CNTN5: variants seen among roughly 807,000 people sequenced by gnomAD.
The protein encoded by CNTN5 is contactin-5.
A neutral mutation model predicts 129.1 loss-of-function variants in CNTN5; 77 were observed. The observed-to-expected ratio is 0.60, with a 90% CI of 0.50 to 0.72. The LOEUF is 0.72. Ranked by LOEUF, CNTN5 falls within the 30% of genes least tolerant of loss-of-function variation. The probability of loss-of-function intolerance (pLI) is 0.00; values close to 1 mark genes in which losing one functional copy is unlikely to be tolerated. For synonymous variants in CNTN5, 509 were observed against 465.6 expected, an observed-to-expected ratio of 1.09 and a Z score of -1.20; for missense variants, 1,478 against 1,328.8, an observed-to-expected ratio of 1.11 and a Z score of -1.75.
chr11:100,337,079 T>C lies in CNTN5; in HGVS notation c.2731-3384T>C, dbSNP rs1952053251. 50 of 1,309,516 alleles carry C rather than the reference T, an allele frequency of 3.8e-5. No individual in the cohort carries two copies. The South Asian group carries it at 5.2e-4, about 14-fold the overall frequency. 81.1% of individuals were successfully genotyped at this position (1,309,516 alleles called of 1,614,324 possible). On this transcript the variant is annotated intron_variant, in intron 21 of 24. Coordinates refer to ENST00000524871, the MANE Select transcript of CNTN5 (RefSeq NM_014361.4). The stretch of plus-strand genomic sequence containing the variant: ...AATGCTGAGATTTCACAAATCACTC[T>C]TGTAGGGATCATCAGACATGCAGAG...
At chr11:99,548,077 T>G (rs775488192) in intron 2 of CNTN5, among the ~76,000 whole-genome samples, 7 of 152,202 alleles carry the variant, frequency 4.6e-5, no homozygotes, top group Non-Finnish European at 1.0e-4. Flanking sequence ...CTATTGTTAT[T>G]TTTCCCTTTA....
intron 13 of CNTN5, among the ~76,000 whole-genome samples, chr11:100,156,471 G>C (rs1235992862): frequency 1.3e-5 from 2 of 151,890 alleles, no homozygotes; most frequent in Non-Finnish European, 2.9e-5. Flanking sequence ...ATCTTTTTTT[G>C]TTGTGCCTCT....
intron 17 of CNTN5, among the ~76,000 whole-genome samples, chr11:100,260,766 C>T (rs1950178884): frequency 6.6e-6 from 1 of 152,162 alleles, no homozygotes. Flanking sequence ...TAAAAACTCT[C>T]AATGAAATAG....
At chr11:99,978,681 T>A (rs761115617) in intron 8 of CNTN5, among the ~76,000 whole-genome samples, 1 of 152,166 alleles carries the variant, frequency 6.6e-6, no homozygotes, top group Non-Finnish European at 1.5e-5. Context: ...GCAAGCTATA[T>A]CATCTAGGTT....
At chr11:99,556,379 A>C in intron 3 of CNTN5, 110 bp downstream of exon 3, 1 of 645,152 alleles carries the variant, frequency 1.6e-6, no homozygotes, top group Non-Finnish European at 2.6e-6. Context: ...AATTTATATC[A>C]GTATTTATAC....
At chr11:99,589,258 G>T (rs2135660782) in intron 3 of CNTN5, among the ~76,000 whole-genome samples, 1 of 152,314 alleles carries the variant, frequency 6.6e-6, no homozygotes, top group African/African-American at 2.4e-5. Flanking sequence ...ATGTAGTCAT[G>T]ATTTTACAAT....
chr11:99,964,887 G>A (rs1288728888), intron 8 of CNTN5, among the ~76,000 whole-genome samples: 1 of 152,080 alleles, frequency 6.6e-6, no homozygotes, highest in African/African-American at 2.4e-5. Context: ...GTTTAGTCTT[G>A]GGAGGGTGTA....
At chr11:99,934,060 T>A (rs1385934756) in intron 7 of CNTN5, among the ~76,000 whole-genome samples, 1 of 152,224 alleles carries the variant, frequency 6.6e-6, no homozygotes, top group African/African-American at 2.4e-5. Context: ...ATACATAATT[T>A]TGATGATAGT....
intron 13 of CNTN5, among the ~76,000 whole-genome samples, chr11:100,185,106 T>G: frequency 6.6e-6 from 1 of 152,096 alleles, no homozygotes; most frequent in East Asian, 1.9e-4. Context: ...AGACTGTGAG[T>G]CAATTAAACC....
In CNTN5 at chr11:100,345,101, T is replaced by A. The variant is rs546459853; in HGVS notation, c.3030+3896T>A. ...CTGTCTTAGTCCTTTTGCGCTGTTA[T>A]AACAGATATCTGGGACTGGGTTATT... On this transcript the variant is annotated intron_variant, in intron 23 of 24. Transcript: ENST00000524871. Among the ~76,000 whole-genome samples, 4 of 152,276 alleles carry A rather than the reference T, an allele frequency of 2.6e-5. No individual in the cohort carries two copies. In the South Asian group the frequency reaches 8.3e-4, roughly 32 times the overall value.
intron 2 of CNTN5, among the ~76,000 whole-genome samples, chr11:99,352,244 C>A (rs151094951): frequency 1.0e-4 from 15 of 147,148 alleles, no homozygotes; most frequent in Middle Eastern, 3.7e-3. Flanking sequence ...AGTGACCTCA[C>A]AGCATTAAAA....
chr11:100,100,678 TAAAAAG>T (rs1201483791), intron 13 of CNTN5, among the ~76,000 whole-genome samples: 1 of 152,074 alleles, frequency 6.6e-6, no homozygotes, highest in Non-Finnish European at 1.5e-5. Flanking sequence ...GAAAATGTTA[TAAAAAG>T]AAAAAGTATT....
chr11:100,349,767 TTGAC>T (rs1198329923), intron 23 of CNTN5, among the ~76,000 whole-genome samples: 2 of 151,858 alleles, frequency 1.3e-5, no homozygotes, highest in African/African-American at 2.4e-5. Flanking sequence ...CTGCCACTAC[TTGAC>T]TATTATACCA....
At chr11:99,744,207 G>T (rs1405461088) in intron 3 of CNTN5, among the ~76,000 whole-genome samples, 2 of 151,976 alleles carry the variant, frequency 1.3e-5, no homozygotes, top group Non-Finnish European at 2.9e-5. Flanking sequence ...CCAATTTTCA[G>T]TTCTATTGCA....
intron 13 of CNTN5, among the ~76,000 whole-genome samples, chr11:100,100,673 T>C (rs1945189005): frequency 6.6e-6 from 1 of 151,982 alleles, no homozygotes; most frequent in African/African-American, 2.4e-5. Context: ...CAGAGGAAAA[T>C]GTTATAAAAA....
At chr11:99,265,792 A>G (rs755427824) in intron 1 of CNTN5, among the ~76,000 whole-genome samples, 1 of 152,016 alleles carries the variant, frequency 6.6e-6, no homozygotes, top group Non-Finnish European at 1.5e-5. Context: ...TTTACTATTT[A>G]TTGAATGAAA....
chr11:100,048,255 T>C (rs1942789701), intron 9 of CNTN5, among the ~76,000 whole-genome samples: 2 of 152,086 alleles, frequency 1.3e-5, no homozygotes, highest in South Asian at 2.1e-4. Flanking sequence ...CTTACATCAG[T>C]GGCCCCCAAT....
chr11:100,079,660 TC>T (rs1284881450), intron 13 of CNTN5, among the ~76,000 whole-genome samples: 1 of 152,144 alleles, frequency 6.6e-6, no homozygotes, highest in Non-Finnish European at 1.5e-5. Flanking sequence ...TCACTGTTTT[TC>T]TTTAAGGGCT....
chr11:99,048,258 A>T (rs1427270374), intron 1 of CNTN5, among the ~76,000 whole-genome samples: 1 of 152,126 alleles, frequency 6.6e-6, no homozygotes, highest in Non-Finnish European at 1.5e-5. Flanking sequence ...TAACTTTAAG[A>T]TCTGCACTAA....
Sources: allele counts gnomAD v4.1 joint callset (sites outside exome capture counted in the v4.1 genomes callset), GRCh38; gene constraint gnomAD v4.1.1; transcripts MANE v1.5; gene names NCBI Gene and HGNC (gene_info 2026-07-23, HGNC 2026-07-21).